The following ZFAND3 variants were observed in gnomAD, a reference collection of about 807,000 sequenced individuals.
ZFAND3 encodes the protein AN1-type zinc finger protein 3.
Under a neutral mutation model 29.6 loss-of-function variants are expected in ZFAND3, and 10 were observed. The ratio of observed to expected loss-of-function variants is 0.34; its 90% CI spans 0.21 to 0.57. The LOEUF (loss-of-function observed/expected upper bound fraction) is 0.57, where lower values mean the gene tolerates loss of function less well. Ranked by LOEUF, ZFAND3 falls within the 20% of genes least tolerant of loss-of-function variation. The pLI is 0.86. For synonymous variants in ZFAND3, 128 were observed against 112.6 expected (o/e 1.14, Z -0.87); for missense variants, 230 against 304.5 (o/e 0.76, Z 1.82).
intron 4 of ZFAND3, among the ~76,000 whole-genome samples, chr6:38,093,856 G>C (rs376125414): frequency 1.3e-5 from 2 of 152,198 alleles, no homozygotes; most frequent in East Asian, 3.9e-4. Context: ...AGACAGGGTC[G>C]GGCATTTTTT....
At chr6:37,990,327 C>T (rs1187727962) in intron 2 of ZFAND3, among the ~76,000 whole-genome samples, 1 of 152,068 alleles carries the variant, frequency 6.6e-6, no homozygotes, top group Non-Finnish European at 1.5e-5. Flanking sequence ...ATTTGGGGTA[C>T]TTTTGTGTGT....
intron 3 of ZFAND3, among the ~76,000 whole-genome samples, chr6:38,080,437 C>A (rs930682249): frequency 6.6e-6 from 1 of 152,014 alleles, no homozygotes; most frequent in Non-Finnish European, 1.5e-5. Flanking sequence ...CAGTGTGATT[C>A]TTGATCCTTG....
intron 5 of ZFAND3, among the ~76,000 whole-genome samples, chr6:38,129,915 G>C (rs2127490859): frequency 6.6e-6 from 1 of 151,964 alleles, no homozygotes; most frequent in South Asian, 2.1e-4. Flanking sequence ...TTGGCAGTAT[G>C]GTCATTTTCA....
At chr6:37,859,556 A>C (rs1026325964) in intron 1 of ZFAND3, among the ~76,000 whole-genome samples, 1 of 152,140 alleles carries the variant, frequency 6.6e-6, no homozygotes, top group Admixed American at 6.5e-5. Context: ...GTCTATTTTC[A>C]TATCTTATGG....
chr6:38,144,089 C>G (rs1766017136), intron 5 of ZFAND3, among the ~76,000 whole-genome samples: 2 of 149,538 alleles, frequency 1.3e-5, no homozygotes, highest in Non-Finnish European at 3.0e-5. Context: ...ACCTGCTGTT[C>G]CCAACGTGTA....
intron 2 of ZFAND3, among the ~76,000 whole-genome samples, chr6:38,028,049 T>G (rs534347720): frequency 2.6e-5 from 4 of 152,238 alleles, no homozygotes; most frequent in African/African-American, 9.6e-5. Flanking sequence ...GCACATTTGC[T>G]ACAAGAATAT....
At chr6:38,070,620 A>G (rs905461085) in intron 3 of ZFAND3, among the ~76,000 whole-genome samples, 4 of 152,048 alleles carry the variant, frequency 2.6e-5, no homozygotes, top group Admixed American at 2.6e-4. Flanking sequence ...ATATTTCACT[A>G]TTATGAGCCA....
intron 2 of ZFAND3, among the ~76,000 whole-genome samples, chr6:38,028,203 A>T (rs555186676): frequency 7.9e-5 from 12 of 152,282 alleles, no homozygotes; most frequent in African/African-American, 2.9e-4. Flanking sequence ...CTCATATTGA[A>T]ATTTAGTTTT....
chr6:38,027,907 C>CT (rs934376058), intron 2 of ZFAND3, among the ~76,000 whole-genome samples: 9 of 152,212 alleles, frequency 5.9e-5, no homozygotes, highest in Non-Finnish European at 5.9e-5. Context: ...TGGAGCCTTT[C>CT]TTTTGTTTCT....
At chr6:37,943,755 A>G (rs1309862225) in intron 2 of ZFAND3, among the ~76,000 whole-genome samples, 1 of 152,150 alleles carries the variant, frequency 6.6e-6, no homozygotes, top group East Asian at 1.9e-4. Flanking sequence ...GAGTGGAAAG[A>G]ATTTTAGAGC....
intron 1 of ZFAND3, among the ~76,000 whole-genome samples, chr6:37,838,859 G>A (rs1020950820): frequency 6.6e-6 from 1 of 152,230 alleles, no homozygotes; most frequent in East Asian, 1.9e-4. Context: ...GGGATGATAT[G>A]GTAACTCTGT....
At chr6:37,986,308 CTTTAGACATT>C (rs1762671110) in intron 2 of ZFAND3, among the ~76,000 whole-genome samples, 1 of 152,118 alleles carries the variant, frequency 6.6e-6, no homozygotes, top group Non-Finnish European at 1.5e-5. Flanking sequence ...CTGCCTTATC[CTTTAGACATT>C]TGAGTTTGTG....
chr6:38,128,144 A>G (rs1266895330), intron 5 of ZFAND3, among the ~76,000 whole-genome samples: 2 of 152,244 alleles, frequency 1.3e-5, no homozygotes, highest in Admixed American at 1.3e-4. Flanking sequence ...ATTTAGTCAA[A>G]ATAATCGGAT....
Position 38,124,742 on chromosome 6 carries a change from C to T in ZFAND3, c.529+8003C>T, listed in dbSNP as rs112796267. Among the ~76,000 whole-genome samples, 221 of 152,360 alleles carry T rather than the reference C, an allele frequency of 1.5e-3. 1 individual carries two copies. The highest frequency in any genetic ancestry group is 4.4e-3 in the African/African-American group (184 of 41,588). On this transcript the variant is annotated intron_variant, in intron 5 of 5. Transcript: ENST00000287218. ...AAGCTGAGGGAGCTGGCTCTGGCCTCAACCAGCCCAGAGAGGGGCCCCCAC... is the reference window on the plus strand; with the variant it reads ...AAGCTGAGGGAGCTGGCTCTGGCCTTAACCAGCCCAGAGAGGGGCCCCCAC...
intron 3 of ZFAND3, among the ~76,000 whole-genome samples, chr6:38,079,696 T>A (rs1369683073): frequency 6.6e-6 from 1 of 152,210 alleles, no homozygotes. Context: ...CAGCTCATGG[T>A]GTTATGGGAA....
chr6:38,131,842 T>C (rs917988954), intron 5 of ZFAND3, among the ~76,000 whole-genome samples: 2 of 152,188 alleles, frequency 1.3e-5, no homozygotes, highest in African/African-American at 4.8e-5. Context: ...CTGCTGCTTA[T>C]GATTAGGGGA....
At chr6:37,926,877 T>C (rs942292519) in intron 1 of ZFAND3, among the ~76,000 whole-genome samples, 2 of 152,220 alleles carry the variant, frequency 1.3e-5, no homozygotes, top group Non-Finnish European at 2.9e-5. Context: ...AAGTTTCCCA[T>C]GTTCAACATG....
At chr6:38,045,542 AT>A (rs1377916437) in intron 2 of ZFAND3, among the ~76,000 whole-genome samples, 3 of 152,078 alleles carry the variant, frequency 2.0e-5, no homozygotes, top group Admixed American at 1.3e-4. Context: ...TTTGATATAC[AT>A]TTTTTCTAGC....
intron 4 of ZFAND3, among the ~76,000 whole-genome samples, chr6:38,112,460 A>G (rs1331672042): frequency 6.6e-6 from 1 of 152,188 alleles, no homozygotes; most frequent in Non-Finnish European, 1.5e-5. Context: ...CTGCATTGTA[A>G]GAGTTATTTC....
Sources: gnomAD v4.1 joint callset for allele counts (sites outside exome capture counted in the v4.1 genomes callset) on GRCh38, gnomAD v4.1.1 for gene constraint, MANE v1.5 for transcripts, NCBI Gene and HGNC (gene_info 2026-07-23, HGNC 2026-07-21) for gene names.